The following PCDH9 variants were observed in gnomAD, a reference collection of about 807,000 sequenced individuals.
PCDH9 encodes protocadherin 9, also known as protocadherin-9.
PCDH9 carries 24 observed loss-of-function variants against 70.6 expected under a neutral mutation model. That is an observed-to-expected ratio of 0.34 (90% confidence interval 0.25 to 0.48). The LOEUF (loss-of-function observed/expected upper bound fraction) is 0.48, where lower values mean the gene tolerates loss of function less well. Among genes scored for constraint, PCDH9 ranks in the 20% least tolerant of loss-of-function variants. The pLI, the probability that PCDH9 is intolerant of heterozygous loss-of-function variation, is 0.99. For missense variants in PCDH9, 1,281 were observed against 1,503.6 expected, an observed-to-expected ratio of 0.85 and a Z score of 2.45; for synonymous variants, 562 against 558.5, an observed-to-expected ratio of 1.01 and a Z score of -0.09.
Position 67,228,282 on chromosome 13 carries a change from A to G in PCDH9, c.159T>C (p.Asn53=). The change falls in exon 2 of 5, where the codon AAT becomes AAC. Residue 53 remains asparagine, a synonymous_variant. Coordinates refer to ENST00000377865, the MANE Select transcript of PCDH9 (RefSeq NM_203487.3). ...GGCTGGCGCTGGTCCCTGTGGCAGCATTGATGTGAGAAATGTTCAGATCCT... is the reference window on the plus strand; with the variant it reads ...GGCTGGCGCTGGTCCCTGTGGCAGCGTTGATGTGAGAAATGTTCAGATCCT... ...IPKDLNISHI[N]AATGTSASLV... is the part of the protein sequence containing the mutation. The G allele has an allele frequency of 6.2e-7, 1 of 1,614,154 alleles. No individual in the cohort carries two copies. Among genetic ancestry groups the G allele is most frequent in the African/African-American group, 1.3e-5 (1 of 75,044 alleles).
At chr13:66,820,844 G>A (rs371248200) in intron 3 of PCDH9, among the ~76,000 whole-genome samples, 104 of 152,192 alleles carry the variant, frequency 6.8e-4, no homozygotes, top group African/African-American at 2.5e-3. Flanking sequence ...GTTTGAGGGT[G>A]GAGGGTGGGA....
intron 4 of PCDH9, among the ~76,000 whole-genome samples, chr13:66,617,843 A>C (rs1048020104): frequency 6.6e-6 from 1 of 151,972 alleles, no homozygotes; most frequent in Admixed American, 6.5e-5. Context: ...TAAGCCCCTG[A>C]GGGACCTCAG....
At chr13:66,736,777 T>C (rs573427851) in intron 3 of PCDH9, among the ~76,000 whole-genome samples, 1 of 152,332 alleles carries the variant, frequency 6.6e-6, no homozygotes, top group South Asian at 2.1e-4. Flanking sequence ...TCTATGTGTA[T>C]TCTCCCATTT....
chr13:66,613,838 C>A (rs1434037401), intron 4 of PCDH9, among the ~76,000 whole-genome samples: 1 of 152,100 alleles, frequency 6.6e-6, no homozygotes, highest in Admixed American at 6.5e-5. Flanking sequence ...GCTGTGGTAT[C>A]TTTTAGTTCA....
intron 4 of PCDH9, among the ~76,000 whole-genome samples, chr13:66,537,703 C>A (rs1960768660): frequency 6.6e-6 from 1 of 152,084 alleles, no homozygotes; most frequent in Non-Finnish European, 1.5e-5. Flanking sequence ...TAAAGATTAA[C>A]ACAGAAGTCA....
chr13:66,467,114 T>C (rs1377948877), intron 4 of PCDH9, among the ~76,000 whole-genome samples: 2 of 151,952 alleles, frequency 1.3e-5, no homozygotes, highest in African/African-American at 4.8e-5. Flanking sequence ...AATGTGATAA[T>C]CTAAGGGAGC....
At chr13:66,580,750 T>A (rs1471859729) in intron 4 of PCDH9, among the ~76,000 whole-genome samples, 1 of 152,002 alleles carries the variant, frequency 6.6e-6, no homozygotes, top group East Asian at 2.0e-4. Flanking sequence ...GTGTATCTTA[T>A]GATAAGCAAA....
At chr13:67,151,301 G>T (rs1423116723) in intron 2 of PCDH9, among the ~76,000 whole-genome samples, 1 of 152,100 alleles carries the variant, frequency 6.6e-6, no homozygotes, top group African/African-American at 2.4e-5. Flanking sequence ...GGATGGAATT[G>T]TTTCTTAACG....
intron 3 of PCDH9, among the ~76,000 whole-genome samples, chr13:66,846,732 T>G (rs1188982713): frequency 2.0e-5 from 3 of 152,088 alleles, no homozygotes; most frequent in African/African-American, 7.2e-5. Flanking sequence ...CTAAGAAAGT[T>G]TTTTAAACAC....
chr13:67,146,931 G>A (rs2087536948), intron 2 of PCDH9, among the ~76,000 whole-genome samples: 1 of 152,056 alleles, frequency 6.6e-6, no homozygotes, highest in African/African-American at 2.4e-5. Context: ...AGTTTGTCAG[G>A]AAACAACTGT....
At chr13:66,352,240 A>G (rs1320223073) in intron 4 of PCDH9, among the ~76,000 whole-genome samples, 1 of 152,250 alleles carries the variant, frequency 6.6e-6, no homozygotes, top group Non-Finnish European at 1.5e-5. Context: ...ACAAATTAAT[A>G]AACATTCCAA....
At chr13:67,066,255 C>CA (rs1274610584) in intron 2 of PCDH9, among the ~76,000 whole-genome samples, 1 of 151,064 alleles carries the variant, frequency 6.6e-6, no homozygotes, top group Admixed American at 6.6e-5. Context: ...TTTTTTTAGA[C>CA]AGAGTTTCAC....
intron 2 of PCDH9, among the ~76,000 whole-genome samples, chr13:67,144,811 A>C (rs1299999515): frequency 2.0e-5 from 3 of 152,158 alleles, no homozygotes; most frequent in Admixed American, 2.0e-4. Flanking sequence ...GTAACTCACT[A>C]AGTACTTTCT....
intron 2 of PCDH9, among the ~76,000 whole-genome samples, chr13:66,978,911 A>AT (rs1490508781): frequency 6.6e-6 from 1 of 151,536 alleles, no homozygotes; most frequent in Non-Finnish European, 1.5e-5. Context: ...ATATATTTAC[A>AT]TACAGTTACA....
At chr13:66,966,887 T>C (rs947654371) in intron 2 of PCDH9, among the ~76,000 whole-genome samples, 3 of 152,038 alleles carry the variant, frequency 2.0e-5, no homozygotes, top group Non-Finnish European at 4.4e-5. Flanking sequence ...ATTAGTAACT[T>C]TGAATCAGGA....
chr13:67,103,468 C>A (rs989303196), intron 2 of PCDH9, among the ~76,000 whole-genome samples: 1 of 152,128 alleles, frequency 6.6e-6, no homozygotes. Flanking sequence ...TGCCTAATAT[C>A]TTAAAATGGT....
At chr13:67,146,459 C>T (rs2138373100) in intron 2 of PCDH9, among the ~76,000 whole-genome samples, 1 of 152,172 alleles carries the variant, frequency 6.6e-6, no homozygotes, top group Admixed American at 6.5e-5. Flanking sequence ...AAATATAAAC[C>T]AAACCAAACA....
At chr13:66,677,480 C>T (rs1283052482) in intron 3 of PCDH9, among the ~76,000 whole-genome samples, 2 of 151,812 alleles carry the variant, frequency 1.3e-5, no homozygotes, top group African/African-American at 4.8e-5. Flanking sequence ...AATTTTAATC[C>T]CCAAGGCTCG....
intron 2 of PCDH9, among the ~76,000 whole-genome samples, chr13:67,194,295 T>C (rs1464741679): frequency 1.3e-5 from 2 of 152,036 alleles, no homozygotes; most frequent in African/African-American, 4.8e-5. Flanking sequence ...AATCATTGTC[T>C]CCAAATAAAA....
Sources: allele counts gnomAD v4.1 joint callset (sites outside exome capture counted in the v4.1 genomes callset), GRCh38; gene constraint gnomAD v4.1.1; transcripts MANE v1.5; gene names NCBI Gene and HGNC (gene_info 2026-07-23, HGNC 2026-07-21).